Variants in HSF5 observed in about 807,000 individuals in gnomAD.
HSF5 encodes heat shock transcription factor 5.
Under a neutral mutation model 50.8 loss-of-function variants are expected in HSF5, and 5 were observed. That is an observed-to-expected ratio of 0.10 (90% CI 0.05 to 0.21). The LOEUF is 0.21. Ranked by LOEUF, HSF5 falls within the 10% of genes least tolerant of loss-of-function variation. HSF5 has a pLI of 1.00. For missense variants in HSF5, 564 were observed against 762.6 expected (o/e 0.74, Z 3.07); for synonymous variants, 307 against 307.4 (o/e 1.00, Z 0.02).
chr17:58,443,500 G>A (rs377084798), intron 5 of HSF5, among the ~76,000 whole-genome samples: 20 of 152,118 alleles, frequency 1.3e-4, no homozygotes, highest in African/African-American at 4.6e-4. Flanking sequence ...GCCTGCTCTC[G>A]AGCCCTCTGC....
chr17:58,432,210 G>A (rs912837966), intron 5 of HSF5, among the ~76,000 whole-genome samples: 4 of 152,086 alleles, frequency 2.6e-5, no homozygotes, highest in Non-Finnish European at 4.4e-5. Flanking sequence ...AGTGCCACAG[G>A]TAATATTCTA....
At chr17:58,451,668 C>G (rs866699200) in intron 5 of HSF5, among the ~76,000 whole-genome samples, 2 of 151,956 alleles carry the variant, frequency 1.3e-5, no homozygotes, top group Non-Finnish European at 2.9e-5. Context: ...CTACCAAAAA[C>G]CTATGTGATA....
intron 5 of HSF5, among the ~76,000 whole-genome samples, chr17:58,436,565 TAAAG>T (rs1251349363): frequency 6.6e-6 from 1 of 152,070 alleles, no homozygotes; most frequent in Non-Finnish European, 1.5e-5. Context: ...GAAGAGTTAA[TAAAG>T]ATAATTACTG....
In HSF5 at chr17:58,480,218, C is replaced by T; in HGVS notation, c.600G>A (p.Leu200=). 6.2e-7 allele frequency: 1 copy of T among 1,613,116 alleles called. No individual in the cohort carries two copies. The highest frequency in any genetic ancestry group is 2.2e-5 in the East Asian group (1 of 44,876). Residue 200 remains leucine (L), a synonymous_variant, in exon 2 of 6, where the codon TTG becomes TTA. Transcript: ENST00000323777. ...GAGTTGATACACAGGAGTAAGGAGA[C>T]AAACTATCTCGACGAAATGACCGGT... is the stretch of plus-strand genomic sequence containing the variant. ...QFHRSFRRDS[L]SPYSCVSTPS... is the part of the protein sequence containing the mutation.
intron 5 of HSF5, among the ~76,000 whole-genome samples, chr17:58,432,998 CCATT>C (rs35728420): frequency 0.043 from 6,566 of 151,354 alleles, 143 homozygotes; most frequent in African/African-American, 0.051. Context: ...ACTAGAAGTA[CCATT>C]CATTCATTCA....
intron 4 of HSF5, among the ~76,000 whole-genome samples, chr17:58,461,901 T>C (rs1974800416): frequency 6.6e-6 from 1 of 152,180 alleles, no homozygotes; most frequent in Admixed American, 6.5e-5. Context: ...ATTTGGATTT[T>C]TTTGGTATTA....
At chr17:58,451,016 G>C (rs979398726) in intron 5 of HSF5, among the ~76,000 whole-genome samples, 1 of 152,112 alleles carries the variant, frequency 6.6e-6, no homozygotes, top group African/African-American at 2.4e-5. Flanking sequence ...TTGAACCTGG[G>C]AGGCGGAGGT....
chr17:58,461,997 A>G (rs1231215675), intron 4 of HSF5, among the ~76,000 whole-genome samples: 1 of 152,172 alleles, frequency 6.6e-6, no homozygotes, highest in Non-Finnish European at 1.5e-5. Context: ...TGTACAGTGT[A>G]CCCACTAAGT....
intron 3 of HSF5, among the ~76,000 whole-genome samples, chr17:58,465,434 G>C (rs763585458): frequency 1.3e-5 from 2 of 152,012 alleles, no homozygotes; most frequent in Admixed American, 6.6e-5. Context: ...CCAGAGAAGA[G>C]AGTGCCTGGA....
intron 5 of HSF5, among the ~76,000 whole-genome samples, chr17:58,444,458 T>C (rs1346966646): frequency 6.6e-6 from 1 of 152,152 alleles, no homozygotes; most frequent in East Asian, 1.9e-4. Flanking sequence ...GCCCACTCAC[T>C]GGGGAAAGGA....
At chr17:58,467,000 G>C (rs767263073) in intron 2 of HSF5, 21 bp from the exon 3 acceptor site, 1 of 1,501,218 alleles carries the variant, frequency 6.7e-7, no homozygotes, top group Non-Finnish European at 9.3e-7. Context: ...TTCAAACACA[G>C]AAAAGCCATC....
At chr17:58,485,278 G>C (rs1410823851) in intron 1 of HSF5, among the ~76,000 whole-genome samples, 1 of 152,080 alleles carries the variant, frequency 6.6e-6, no homozygotes, top group Admixed American at 6.5e-5. Context: ...GTAAATCCAT[G>C]TTAACATGCT....
chr17:58,433,080 C>T (rs1421594694), intron 5 of HSF5, among the ~76,000 whole-genome samples: 5 of 152,182 alleles, frequency 3.3e-5, no homozygotes, highest in Non-Finnish European at 7.4e-5. Context: ...GTGGCACAAT[C>T]ACAGCTCACT....
intron 5 of HSF5, among the ~76,000 whole-genome samples, chr17:58,446,555 T>C (rs1268463361): frequency 2.0e-5 from 3 of 152,204 alleles, no homozygotes; most frequent in Non-Finnish European, 4.4e-5. Flanking sequence ...AGATCTGCCC[T>C]GGGCCAGAAG....
At chr17:58,483,572 T>G (rs528191391) in intron 1 of HSF5, among the ~76,000 whole-genome samples, 1 of 152,228 alleles carries the variant, frequency 6.6e-6, no homozygotes, top group Non-Finnish European at 1.5e-5. Context: ...TTTATGGAAG[T>G]GCGTCTGAAT....
intron 2 of HSF5, among the ~76,000 whole-genome samples, chr17:58,474,720 A>C (rs1040999189): frequency 6.6e-6 from 1 of 152,206 alleles, no homozygotes; most frequent in Non-Finnish European, 1.5e-5. Context: ...TAGAGCCAGT[A>C]GTTTCCATGA....
At chr17:58,476,605 A>C in intron 2 of HSF5, 1 of 1,534,798 alleles carries the variant, frequency 6.5e-7, no homozygotes, top group Non-Finnish European at 9.0e-7. Flanking sequence ...AATATCTTCG[A>C]ATTCTGTCAC....
At chr17:58,441,614 C>CA (rs564418009) in intron 5 of HSF5, among the ~76,000 whole-genome samples, 7 of 150,124 alleles carry the variant, frequency 4.7e-5, no homozygotes, top group East Asian at 1.9e-4. Flanking sequence ...TTGATCATTC[C>CA]AAAAAAAAAG....
At chr17:58,425,712 C>A (rs1439038803) in intron 5 of HSF5, among the ~76,000 whole-genome samples, 1 of 150,660 alleles carries the variant, frequency 6.6e-6, no homozygotes, top group Non-Finnish European at 1.5e-5. Flanking sequence ...TACATAACAT[C>A]TCTTTTTCAA....
Sources: gnomAD v4.1 joint callset for allele counts (sites outside exome capture counted in the v4.1 genomes callset) on GRCh38, gnomAD v4.1.1 for gene constraint, MANE v1.5 for transcripts, NCBI Gene and HGNC (gene_info 2026-07-23, HGNC 2026-07-21) for gene names.